ATP6V0D2: variants seen among roughly 807,000 people sequenced by gnomAD.
The protein encoded by ATP6V0D2 is ATPase H+ transporting V0 subunit d2.
A neutral mutation model predicts 40.0 loss-of-function variants in ATP6V0D2; 40 were observed. The observed-to-expected ratio is 1.00, with a 90% CI of 0.78 to 1.30. ATP6V0D2 has a LOEUF of 1.30. Ranked by LOEUF, ATP6V0D2 falls within the 50% of genes most tolerant of loss-of-function variation. The pLI is 0.00. For missense variants in ATP6V0D2, 470 were observed against 423.1 expected, an observed-to-expected ratio of 1.11 and a Z score of -0.97; for synonymous variants, 179 against 156.3, an observed-to-expected ratio of 1.15 and a Z score of -1.08.
intron 5 of ATP6V0D2, among the ~76,000 whole-genome samples, chr8:86,147,933 A>G (rs539063905): frequency 1.3e-5 from 2 of 152,210 alleles, no homozygotes; most frequent in South Asian, 4.2e-4. Context: ...TTATATTCAT[A>G]TTCTCTCCCC....
intron 2 of ATP6V0D2, among the ~76,000 whole-genome samples, chr8:86,120,676 A>G (rs1179406676): frequency 6.6e-6 from 1 of 152,226 alleles, no homozygotes; most frequent in African/African-American, 2.4e-5. Flanking sequence ...TCTGACTTAA[A>G]TGTTTTACCT....
chr8:86,148,799 G>A (rs1469818481), intron 5 of ATP6V0D2, among the ~76,000 whole-genome samples: 7 of 152,128 alleles, frequency 4.6e-5, no homozygotes, highest in East Asian at 1.9e-4. Flanking sequence ...AAGGCTGGGC[G>A]TGGTGGCTCA....
rs1401385712 is a variant in ATP6V0D2 at position 86,105,616 on chromosome 8, C to CTTTTT, written c.130+6512_130+6513insTTTTT. 3.8e-3 allele frequency among the ~76,000 whole-genome samples: 501 copies of CTTTTT among 131,150 alleles called. 27 individuals are homozygous for CTTTTT. The highest frequency in any genetic ancestry group is 4.5e-3 in the Non-Finnish European group (279 of 62,456). 86.0% of individuals were successfully genotyped at this position (131,150 alleles called of 152,430 possible). A position where few individuals can be genotyped will look rare whatever the true frequency, so the allele number is the denominator to read the frequency against. ...TGCCTAGCCTGTAAACTTCTTTTTT[C>CTTTTT]TTTTCTTTTTTTTTTTTTTTGAGAT... On this transcript the variant is annotated intron_variant, in intron 1 of 7. Coordinates refer to ENST00000285393, the MANE Select transcript of ATP6V0D2 (RefSeq NM_152565.1).
intron 7 of ATP6V0D2, 136 bp downstream of exon 7, chr8:86,151,676 T>G: frequency 1.6e-6 from 1 of 644,722 alleles, no homozygotes; most frequent in Non-Finnish European, 2.7e-6. Context: ...TAGTCAGTGA[T>G]GTATTATTGC....
intron 1 of ATP6V0D2, among the ~76,000 whole-genome samples, chr8:86,106,193 C>T (rs540206878): frequency 4.7e-4 from 71 of 151,824 alleles, no homozygotes; most frequent in African/African-American, 1.2e-3. Flanking sequence ...TAGTGGGTAG[C>T]GTGATCATGG....
At chr8:86,144,214 A>T (rs1361639182) in intron 5 of ATP6V0D2, among the ~76,000 whole-genome samples, 2 of 152,218 alleles carry the variant, frequency 1.3e-5, no homozygotes, top group African/African-American at 4.8e-5. Flanking sequence ...CAGGGCAGAG[A>T]TCAGAAGGAT....
intron 2 of ATP6V0D2, among the ~76,000 whole-genome samples, chr8:86,114,657 G>A (rs1396244668): frequency 1.3e-5 from 2 of 148,740 alleles, no homozygotes; most frequent in Non-Finnish European, 3.0e-5. Flanking sequence ...GCGACAGAAT[G>A]AGACTCTATC....
chr8:86,122,102 T>C (rs1021027159), intron 2 of ATP6V0D2, among the ~76,000 whole-genome samples: 2 of 152,208 alleles, frequency 1.3e-5, no homozygotes, highest in Admixed American at 1.3e-4. Context: ...TTGGTTGTTT[T>C]ATTTTTCCTC....
chr8:86,149,074 AAC>A (rs1554590221), intron 5 of ATP6V0D2, among the ~76,000 whole-genome samples: 2 of 150,138 alleles, frequency 1.3e-5, no homozygotes, highest in African/African-American at 2.4e-5. Flanking sequence ...AAAAAAAAAA[AAC>A]CAATGAACAA....
At chr8:86,101,485 A>G (rs900638) in intron 1 of ATP6V0D2, among the ~76,000 whole-genome samples, 1 of 145,204 alleles carries the variant, frequency 6.9e-6, no homozygotes, top group Non-Finnish European at 1.5e-5. Context: ...AAAAAAAAAA[A>G]GAATTCTAGA....
chr8:86,117,907 A>T (rs1192752251), intron 2 of ATP6V0D2, among the ~76,000 whole-genome samples: 1 of 152,036 alleles, frequency 6.6e-6, no homozygotes, highest in Non-Finnish European at 1.5e-5. Context: ...GAGGCTGGAG[A>T]CGCAAACTCC....
intron 1 of ATP6V0D2, among the ~76,000 whole-genome samples, chr8:86,109,492 A>G (rs151273691): frequency 1.3e-5 from 2 of 152,292 alleles, no homozygotes; most frequent in Non-Finnish European, 2.9e-5. Flanking sequence ...CACTGATTAC[A>G]GTATTATAAG....
chr8:86,124,211 T>A (rs748677634), intron 2 of ATP6V0D2, among the ~76,000 whole-genome samples: 1 of 152,206 alleles, frequency 6.6e-6, no homozygotes, highest in Non-Finnish European at 1.5e-5. Context: ...CTGTAGTTGC[T>A]GATAAGACCT....
chr8:86,109,392 C>T (rs1443923653), intron 1 of ATP6V0D2, among the ~76,000 whole-genome samples: 1 of 152,146 alleles, frequency 6.6e-6, no homozygotes, highest in African/African-American at 2.4e-5. Flanking sequence ...GAGTGCATTT[C>T]AGACCCTCAG....
intron 4 of ATP6V0D2, 41 bp downstream of exon 4, chr8:86,141,570 A>C (rs1202562947): frequency 7.0e-7 from 1 of 1,426,354 alleles, no homozygotes. Context: ...TTGATTACAC[A>C]ATGTATTGTG....
chr8:86,104,569 T>C (rs1201372724), intron 1 of ATP6V0D2, among the ~76,000 whole-genome samples: 1 of 152,014 alleles, frequency 6.6e-6, no homozygotes, highest in Non-Finnish European at 1.5e-5. Context: ...ACAAAGAAAC[T>C]GTGAAAGGAT....
rs754551815 is a variant in ATP6V0D2 at position 86,141,307 on chromosome 8, C to T, written c.482-143C>T. 44 of 556,616 alleles carry T rather than the reference C, an allele frequency of 7.9e-5. 1 individual carries two copies. Among genetic ancestry groups the T allele is most frequent in the Middle Eastern group, 5.4e-4 (2 of 3,698 alleles). The allele number at this position is 556,616 out of a possible 1,614,324, so 34.5% of individuals were successfully genotyped here. ...CTGCTTTCACCCTCATTACTATTAG[C>T]CCTATTTAGTGGAGTGTATGGATTG... On this transcript the variant is annotated intron_variant, in intron 3 of 7. Transcript: ENST00000285393.
At chr8:86,141,552 T>C in intron 4 of ATP6V0D2, 23 bp downstream of exon 4, 1 of 1,531,316 alleles carries the variant, frequency 6.5e-7, no homozygotes, top group African/African-American at 1.4e-5. Flanking sequence ...CCAAATATTG[T>C]CTTTTTCTTG....
chr8:86,145,553 C>G (rs1586104108), intron 5 of ATP6V0D2, among the ~76,000 whole-genome samples: 1 of 151,956 alleles, frequency 6.6e-6, no homozygotes, highest in Non-Finnish European at 1.5e-5. Context: ...AAGTGGATAT[C>G]GAATAAATAA....
Sources: allele counts gnomAD v4.1 joint callset (sites outside exome capture counted in the v4.1 genomes callset), GRCh38; gene constraint gnomAD v4.1.1; transcripts MANE v1.5; gene names NCBI Gene and HGNC (gene_info 2026-07-23, HGNC 2026-07-21).